GADL1: variants seen among roughly 807,000 people sequenced by gnomAD.
GADL1 encodes acidic amino acid decarboxylase GADL1.
In GADL1, 71 loss-of-function variants were observed where a neutral mutation model predicts 69.5. The observed-to-expected ratio is 1.02, with a 90% CI of 0.84 to 1.25. GADL1 has a LOEUF of 1.25. GADL1 is among the 50% of genes most tolerant of loss of function. GADL1 has a pLI of 0.00. For synonymous variants in GADL1, 254 were observed against 214.4 expected, an observed-to-expected ratio of 1.18 and a Z score of -1.62; for missense variants, 737 against 631.8, an observed-to-expected ratio of 1.17 and a Z score of -1.79.
chr3:30,851,882 T>A (rs1474930229), intron 4 of GADL1, among the ~76,000 whole-genome samples: 1 of 152,124 alleles, frequency 6.6e-6, no homozygotes, highest in Non-Finnish European at 1.5e-5. Context: ...CTAAACACCA[T>A]CTAGAGCAGC....
At chr3:30,844,151 G>A (rs1698015061) in intron 8 of GADL1, 59 bp downstream of exon 8, 4 of 1,321,782 alleles carry the variant, frequency 3.0e-6, no homozygotes, top group African/African-American at 1.5e-5. Context: ...TTTCATAAGC[G>A]CGCGGGCGTG....
At chr3:30,878,764 C>T (rs1010820646) in intron 1 of GADL1, among the ~76,000 whole-genome samples, 2 of 151,850 alleles carry the variant, frequency 1.3e-5, no homozygotes, top group Non-Finnish European at 2.9e-5. Context: ...ATTTTTATGA[C>T]ACTAGGGTAT....
At chr3:30,751,321 T>G (rs1012820371) in intron 14 of GADL1, among the ~76,000 whole-genome samples, 1 of 152,058 alleles carries the variant, frequency 6.6e-6, no homozygotes, top group Non-Finnish European at 1.5e-5. Flanking sequence ...GGGACCATTG[T>G]GGTAAGGAGA....
chr3:30,879,214 C>T (rs191209480), intron 1 of GADL1, among the ~76,000 whole-genome samples: 87 of 152,052 alleles, frequency 5.7e-4, no homozygotes, highest in African/African-American at 2.0e-3. Context: ...CTGGGGTTCT[C>T]TCTGAATGAG....
At chr3:30,873,742 G>A (rs1289697091) in intron 1 of GADL1, among the ~76,000 whole-genome samples, 1 of 151,892 alleles carries the variant, frequency 6.6e-6, no homozygotes, top group African/African-American at 2.4e-5. Flanking sequence ...TGCCTCATTT[G>A]CATCATCTGT....
At chr3:30,731,359 T>G (rs1695454407) in intron 14 of GADL1, among the ~76,000 whole-genome samples, 1 of 152,226 alleles carries the variant, frequency 6.6e-6, no homozygotes, top group Admixed American at 6.5e-5. Flanking sequence ...ACTTCCATTT[T>G]TTCTCCCAAA....
chr3:30,828,317 A>G (rs1697717651), intron 11 of GADL1, among the ~76,000 whole-genome samples: 1 of 151,826 alleles, frequency 6.6e-6, no homozygotes, highest in Non-Finnish European at 1.5e-5. Flanking sequence ...TATATTTTCC[A>G]GCAAAAATTC....
chr3:30,845,136 C>A (rs4955341), intron 6 of GADL1, among the ~76,000 whole-genome samples: 64,357 of 151,926 alleles, frequency 0.42, 14,422 homozygotes, highest in East Asian at 0.63. Context: ...GGCTAAAATC[C>A]TAAGAACAAA....
chr3:30,821,145 A>AG (rs1316085255), intron 11 of GADL1, among the ~76,000 whole-genome samples: 4 of 151,892 alleles, frequency 2.6e-5, no homozygotes, highest in African/African-American at 9.7e-5. Flanking sequence ...GGACACAGGA[A>AG]GGGGAACATC....
At chr3:30,795,263 G>T (rs1697009566) in intron 12 of GADL1, among the ~76,000 whole-genome samples, 1 of 152,152 alleles carries the variant, frequency 6.6e-6, no homozygotes, top group East Asian at 1.9e-4. Context: ...TCTTGACCCT[G>T]TCGGTGGTTT....
At chr3:30,739,586 A>T (rs756307496) in intron 14 of GADL1, among the ~76,000 whole-genome samples, 3 of 151,988 alleles carry the variant, frequency 2.0e-5, no homozygotes, top group South Asian at 2.1e-4. Context: ...TTGCATCTCT[A>T]TTTATGTCAT....
chr3:30,761,364 A>G (rs1254550754), intron 14 of GADL1, among the ~76,000 whole-genome samples: 1 of 152,172 alleles, frequency 6.6e-6, no homozygotes, highest in Non-Finnish European at 1.5e-5. Flanking sequence ...AGTTAACCAA[A>G]TATATGTGGG....
chr3:30,797,438 GTA>G (rs1697059989), intron 12 of GADL1, among the ~76,000 whole-genome samples: 1 of 152,156 alleles, frequency 6.6e-6, no homozygotes, highest in Non-Finnish European at 1.5e-5. Context: ...TAAATAGCAT[GTA>G]GGACATCCCA....
At chr3:30,809,543 CTATCTTTCCCA>C (rs1265287815) in intron 11 of GADL1, among the ~76,000 whole-genome samples, 1 of 152,150 alleles carries the variant, frequency 6.6e-6, no homozygotes, top group Admixed American at 6.5e-5. Flanking sequence ...ATTGACTCAG[CTATCTTTCCCA>C]TTCCAGTCAA....
intron 13 of GADL1, among the ~76,000 whole-genome samples, chr3:30,785,112 C>G (rs1203585601): frequency 6.6e-6 from 1 of 152,160 alleles, no homozygotes; most frequent in South Asian, 2.1e-4. Context: ...GCATTCTACA[C>G]TTTTCCCCCC....
At chr3:30,762,252 G>C (rs1649249637) in intron 14 of GADL1, among the ~76,000 whole-genome samples, 1 of 152,110 alleles carries the variant, frequency 6.6e-6, no homozygotes, top group Non-Finnish European at 1.5e-5. Context: ...ATGTTGAGAA[G>C]GTTCATGGCA....
intron 11 of GADL1, among the ~76,000 whole-genome samples, chr3:30,806,636 TAGG>T (rs1377888500): frequency 2.6e-5 from 4 of 152,280 alleles, no homozygotes; most frequent in African/African-American, 7.2e-5. Flanking sequence ...AGTGCTAGAA[TAGG>T]AGGAAGAACA....
chr3:30,759,275 T>C (rs909897716), intron 14 of GADL1, among the ~76,000 whole-genome samples: 1 of 151,778 alleles, frequency 6.6e-6, no homozygotes, highest in African/African-American at 2.4e-5. Flanking sequence ...CTATAAATCT[T>C]TTTCTTCCAA....
chr3:30,768,554 AGAGAGAAG>A (rs140101649), intron 14 of GADL1, among the ~76,000 whole-genome samples: 4 of 78,574 alleles, frequency 5.1e-5, no homozygotes, highest in South Asian at 4.3e-4. Context: ...GAAGAGGGGG[AGAGAGAAG>A]GGGTGGGGAG....
Sources: gnomAD v4.1 joint callset for allele counts (sites outside exome capture counted in the v4.1 genomes callset) on GRCh38, gnomAD v4.1.1 for gene constraint, MANE v1.5 for transcripts, NCBI Gene and HGNC (gene_info 2026-07-23, HGNC 2026-07-21) for gene names.